The following ADGRL3 variants were observed in gnomAD, a reference collection of about 807,000 sequenced individuals.
ADGRL3 encodes the protein calcium-independent alpha-latrotoxin receptor 3.
A neutral mutation model predicts 153.5 loss-of-function variants in ADGRL3; 62 were observed. That is an observed-to-expected ratio of 0.40 (90% CI 0.33 to 0.50). The LOEUF (loss-of-function observed/expected upper bound fraction) is 0.50, where lower values mean the gene tolerates loss of function less well. ADGRL3 is among the 20% of genes least tolerant of loss of function. ADGRL3 has a pLI of 0.47. For synonymous variants in ADGRL3, 710 were observed against 672.5 expected (o/e 1.06, Z -0.86); for missense variants, 1,641 against 1,859.4 (o/e 0.88, Z 2.16).
At chr4:61,412,074 G>A (rs1361909560) in intron 2 of ADGRL3, among the ~76,000 whole-genome samples, 4 of 136,860 alleles carry the variant, frequency 2.9e-5, no homozygotes, top group Admixed American at 8.0e-5. Context: ...GTCTCAGAAA[G>A]CTCAATTTTG....
rs567661842 is a variant in ADGRL3, at chr4:61,987,060, T to C, written c.3236+3457T>C. ...ATAGAATTATATGTCTTGTTTCCTATCGTCGAGACTCTTTGTTCCAGTTTC... is the reference window on the plus strand; with the variant it reads ...ATAGAATTATATGTCTTGTTTCCTACCGTCGAGACTCTTTGTTCCAGTTTC... On this transcript the variant is annotated intron_variant, in intron 19 of 26. Coordinates refer to ENST00000683033, the MANE Select transcript of ADGRL3 (RefSeq NM_001387552.1). 1.2e-4 allele frequency among the ~76,000 whole-genome samples: 19 copies of C among 152,172 alleles called. 1 individual carries two copies. The East Asian group carries it at 1.9e-3, about 15-fold the overall frequency.
At chr4:61,503,502 CTATT>C (rs1376818015) in intron 3 of ADGRL3, among the ~76,000 whole-genome samples, 1 of 151,908 alleles carries the variant, frequency 6.6e-6, no homozygotes. Context: ...CTTTGGATTA[CTATT>C]TACTTTAATC....
At chr4:61,240,022 A>G (rs1754312292) in intron 1 of ADGRL3, among the ~76,000 whole-genome samples, 1 of 152,104 alleles carries the variant, frequency 6.6e-6, no homozygotes, top group Non-Finnish European at 1.5e-5. Context: ...GCTTTACAAA[A>G]TATCTGAGAG....
chr4:62,035,103 A>AT (rs1724233501), intron 23 of ADGRL3, among the ~76,000 whole-genome samples: 1 of 151,984 alleles, frequency 6.6e-6, no homozygotes, highest in South Asian at 2.1e-4. Context: ...GACATGGTCC[A>AT]TGTTATTTTT....
At chr4:61,424,491 G>T (rs901677830) in intron 2 of ADGRL3, among the ~76,000 whole-genome samples, 1 of 152,110 alleles carries the variant, frequency 6.6e-6, no homozygotes, top group African/African-American at 2.4e-5. Flanking sequence ...AGGGCCCAAC[G>T]TAGGCCAGAG....
At chr4:61,793,434 C>T (rs1038625173) in intron 8 of ADGRL3, among the ~76,000 whole-genome samples, 4 of 151,976 alleles carry the variant, frequency 2.6e-5, no homozygotes, top group African/African-American at 9.7e-5. Context: ...AACAAACAAA[C>T]AAACAAAAAT....
At chr4:61,321,034 C>CTA (rs1251453669) in intron 1 of ADGRL3, among the ~76,000 whole-genome samples, 1 of 152,144 alleles carries the variant, frequency 6.6e-6, no homozygotes, top group African/African-American at 2.4e-5. Flanking sequence ...GCTCTCTGTT[C>CTA]TATCACCTTC....
intron 8 of ADGRL3, among the ~76,000 whole-genome samples, chr4:61,792,267 C>T (rs369388277): frequency 3.3e-5 from 5 of 152,084 alleles, no homozygotes; most frequent in African/African-American, 7.2e-5. Flanking sequence ...TCAAGTTCAA[C>T]GTTTCACACA....
At chr4:61,456,455 ATATATATAGATATATCTATATC>A (rs2097754355) in intron 2 of ADGRL3, among the ~76,000 whole-genome samples, 18 of 125,958 alleles carry the variant, frequency 1.4e-4, no homozygotes, top group East Asian at 8.0e-4. Context: ...ATCTATATCT[ATATATATAGATATATCTATATC>A]TATATATATA....
intron 24 of ADGRL3, among the ~76,000 whole-genome samples, chr4:62,039,601 C>T (rs1315843103): frequency 6.6e-6 from 1 of 152,092 alleles, no homozygotes; most frequent in Non-Finnish European, 1.5e-5. Flanking sequence ...TGTCCCAACT[C>T]AGATGGATGG....
At chr4:62,044,935 G>A (rs1730321961) in intron 25 of ADGRL3, among the ~76,000 whole-genome samples, 1 of 152,030 alleles carries the variant, frequency 6.6e-6, no homozygotes, top group Admixed American at 6.6e-5. Flanking sequence ...CTTTGCGGAA[G>A]TAAAAGTATA....
chr4:61,671,863 C>T (rs1422562510), intron 5 of ADGRL3, among the ~76,000 whole-genome samples: 2 of 152,102 alleles, frequency 1.3e-5, no homozygotes, highest in Non-Finnish European at 2.9e-5. Context: ...TTCTGGACTC[C>T]ACTGACTATT....
intron 1 of ADGRL3, among the ~76,000 whole-genome samples, chr4:61,373,903 A>G (rs185081921): frequency 3.9e-5 from 6 of 152,238 alleles, no homozygotes; most frequent in Non-Finnish European, 8.8e-5. Context: ...AGATTTATAT[A>G]CTCTTCTTTT....
At chr4:61,795,845 C>T (rs1479720975) in intron 8 of ADGRL3, among the ~76,000 whole-genome samples, 1 of 151,996 alleles carries the variant, frequency 6.6e-6, no homozygotes, top group Non-Finnish European at 1.5e-5. Context: ...TCATATCCTA[C>T]TTCTTTTTGT....
intron 9 of ADGRL3, among the ~76,000 whole-genome samples, chr4:61,848,362 A>G (rs2098162471): frequency 6.6e-6 from 1 of 151,164 alleles, no homozygotes; most frequent in Admixed American, 6.7e-5. Context: ...TACCTCTTCC[A>G]GTGTCTTGTA....
At chr4:61,648,687 C>G (rs1298375520) in intron 5 of ADGRL3, among the ~76,000 whole-genome samples, 3 of 151,886 alleles carry the variant, frequency 2.0e-5, no homozygotes, top group Non-Finnish European at 4.4e-5. Context: ...ACATCATTGC[C>G]TTTCACTAAT....
In ADGRL3 at chr4:61,380,802, G is replaced by A. The variant is rs745307156; in HGVS notation, c.-239-2322G>A. 2.0e-4 allele frequency among the ~76,000 whole-genome samples: 30 copies of A among 151,804 alleles called. 1 individual carries two copies. Among genetic ancestry groups the A allele is most frequent in the Admixed American group, 1.4e-3 (22 of 15,182 alleles). On this transcript the variant is annotated intron_variant, in intron 1 of 26. Coordinates refer to ENST00000683033, the MANE Select transcript of ADGRL3 (RefSeq NM_001387552.1). The stretch of plus-strand genomic sequence containing the variant: ...TGCTTTGCTCCTAAATAATCACATT[G>A]CTCAAAACAATATTTCTAGTAGCTC...
intron 8 of ADGRL3, among the ~76,000 whole-genome samples, chr4:61,793,928 A>G (rs1281113396): frequency 6.6e-6 from 1 of 152,242 alleles, no homozygotes; most frequent in Non-Finnish European, 1.5e-5. Context: ...AAAGAAAAAT[A>G]GTAACTTAAA....
chr4:61,694,211 T>TAG, intron 6 of ADGRL3, among the ~76,000 whole-genome samples: 1 of 94,334 alleles, frequency 1.1e-5, no homozygotes, highest in Non-Finnish European at 2.5e-5. Context: ...TTTTTTTTTT[T>TAG]TTTTTTTTAG....
Sources: gnomAD v4.1 joint callset for allele counts (sites outside exome capture counted in the v4.1 genomes callset) on GRCh38, gnomAD v4.1.1 for gene constraint, MANE v1.5 for transcripts, NCBI Gene and HGNC (gene_info 2026-07-23, HGNC 2026-07-21) for gene names.